Variants in PCDH15 observed in about 807,000 individuals in gnomAD.
PCDH15 encodes the protein protocadherin-15.
In PCDH15, 129 loss-of-function variants were observed where a neutral mutation model predicts 178.5. That is an observed-to-expected ratio of 0.72 (90% CI 0.63 to 0.84). The LOEUF (loss-of-function observed/expected upper bound fraction) is 0.84. Ranked by LOEUF, PCDH15 falls within the 40% of genes least tolerant of loss-of-function variation. PCDH15 has a pLI of 0.00. For synonymous variants in PCDH15, 800 were observed against 732.0 expected, an observed-to-expected ratio of 1.09 and a Z score of -1.50; for missense variants, 2,230 against 2,099.9, an observed-to-expected ratio of 1.06 and a Z score of -1.21.
intron 15 of PCDH15, among the ~76,000 whole-genome samples, chr10:54,091,952 G>C (rs1232172333): frequency 2.0e-5 from 3 of 152,126 alleles, no homozygotes; most frequent in Non-Finnish European, 4.4e-5. Flanking sequence ...CTGGATTTCA[G>C]ATGTGTATCC....
intron 18 of PCDH15, among the ~76,000 whole-genome samples, chr10:54,043,101 A>G (rs1371109184): frequency 6.6e-6 from 1 of 152,148 alleles, no homozygotes; most frequent in East Asian, 1.9e-4. Flanking sequence ...CTGATATGGT[A>G]TATGGGGGAA....
chr10:54,089,978 A>G lies in PCDH15; in HGVS notation c.1997+6T>C, dbSNP rs2094572999. 1 of 1,599,142 alleles carries G rather than the reference A, an allele frequency of 6.3e-7. No homozygotes were observed. The highest frequency in any genetic ancestry group is 8.6e-7 in the Non-Finnish European group (1 of 1,166,854). On this transcript the variant is annotated splice_donor_region_variant and intron_variant, in intron 16 of 37. Transcript: ENST00000644397. Reference sequence around the variant, plus strand: ...TTTTTAAAGTAGGAAATCATTTTTAACTTACGTTTCTGAAAGATTAAAAAC... The same window carrying G: ...TTTTTAAAGTAGGAAATCATTTTTAGCTTACGTTTCTGAAAGATTAAAAAC...
intron 2 of PCDH15, among the ~76,000 whole-genome samples, chr10:55,496,660 A>T (rs1840541197): frequency 6.6e-6 from 1 of 151,956 alleles, no homozygotes; most frequent in African/African-American, 2.4e-5. Flanking sequence ...ATTTTAGCAT[A>T]TAAGAATAGC....
At chr10:54,941,555 T>C (rs567035297) in intron 2 of PCDH15, among the ~76,000 whole-genome samples, 1 of 152,264 alleles carries the variant, frequency 6.6e-6, no homozygotes, top group African/African-American at 2.4e-5. Flanking sequence ...AATAGATACT[T>C]TGAAGATTTG....
At chr10:55,536,487 A>G (rs1250146789) in intron 2 of PCDH15, among the ~76,000 whole-genome samples, 1 of 152,150 alleles carries the variant, frequency 6.6e-6, no homozygotes. Context: ...GAATATTAAA[A>G]TATGCAAATA....
intron 2 of PCDH15, among the ~76,000 whole-genome samples, chr10:55,131,035 TA>T (rs199863863): frequency 4.0e-5 from 6 of 151,024 alleles, no homozygotes; most frequent in Admixed American, 2.6e-4. Flanking sequence ...TTTCTTGACT[TA>T]AAAAAAAATG....
intron 1 of PCDH15, among the ~76,000 whole-genome samples, chr10:54,700,231 T>G (rs2095291015): frequency 6.6e-6 from 1 of 152,174 alleles, no homozygotes; most frequent in African/African-American, 2.4e-5. Context: ...GGGCAGCAAC[T>G]TCCAAGATTG....
intron 3 of PCDH15, among the ~76,000 whole-genome samples, chr10:54,860,877 T>C (rs1953827552): frequency 6.6e-6 from 1 of 152,182 alleles, no homozygotes; most frequent in Admixed American, 6.6e-5. Context: ...CTGAGTGTCC[T>C]AGGCGATCAT....
chr10:53,955,385 CTGTCTAATAGAAATAAG>C (rs1276021320), intron 23 of PCDH15, among the ~76,000 whole-genome samples: 1 of 152,170 alleles, frequency 6.6e-6, no homozygotes, highest in Admixed American at 6.5e-5. Flanking sequence ...GATTTAATGA[CTGTCTAATAGAAATAAG>C]TCAACGGAGT....
rs540023101 is a variant in PCDH15, at chr10:53,903,871, C to T, written c.3374-501G>A. Among the ~76,000 whole-genome samples the T allele has an allele frequency of 6.6e-5, 10 of 152,120 alleles. No homozygotes were observed. The East Asian group carries it at 9.7e-4, about 15-fold the overall frequency. ...TTTTAAGACTAAAAGTAACAGTGTT[C>T]GGGTGAGGTGTTTATTTCCACAAAT... On this transcript the variant is annotated intron_variant, in intron 25 of 37. Transcript: ENST00000644397.
chr10:55,534,608 T>C (rs923063657), intron 2 of PCDH15, among the ~76,000 whole-genome samples: 4 of 152,108 alleles, frequency 2.6e-5, no homozygotes, highest in African/African-American at 7.2e-5. Flanking sequence ...GAAACATTTA[T>C]ACACTGTTGG....
At chr10:54,309,255 T>A (rs2060744887) in intron 8 of PCDH15, among the ~76,000 whole-genome samples, 1 of 150,866 alleles carries the variant, frequency 6.6e-6, no homozygotes, top group African/African-American at 2.5e-5. Context: ...ATAAAATAAA[T>A]AATATATTTG....
intron 2 of PCDH15, among the ~76,000 whole-genome samples, chr10:55,565,918 T>G (rs1426723884): frequency 6.6e-6 from 1 of 151,664 alleles, no homozygotes; most frequent in Non-Finnish European, 1.5e-5. Context: ...TTTAAAGAAC[T>G]AGCATCAATC....
At chr10:54,485,719 A>C (rs1225844203) in intron 3 of PCDH15, among the ~76,000 whole-genome samples, 1 of 151,970 alleles carries the variant, frequency 6.6e-6, no homozygotes, top group Non-Finnish European at 1.5e-5. Context: ...GTTTTTAGCC[A>C]TTTATTTTTC....
chr10:54,721,522 A>T (rs1941597089), intron 1 of PCDH15, among the ~76,000 whole-genome samples: 1 of 151,972 alleles, frequency 6.6e-6, no homozygotes, highest in Admixed American at 6.6e-5. Flanking sequence ...AAGTACAATG[A>T]GAAGTGGTAA....
intron 2 of PCDH15, among the ~76,000 whole-genome samples, chr10:55,039,111 A>G (rs1419635768): frequency 2.6e-5 from 4 of 152,074 alleles, no homozygotes; most frequent in African/African-American, 9.7e-5. Flanking sequence ...CTCTCTCCAT[A>G]CCTTCCCAGG....
intron 3 of PCDH15, among the ~76,000 whole-genome samples, chr10:54,834,194 C>CTT (rs1318880018): frequency 2.0e-4 from 29 of 143,870 alleles, no homozygotes; most frequent in African/African-American, 6.8e-4. Context: ...TTTTTACTAC[C>CTT]TTTTTTTTTT....
chr10:54,525,538 C>T (rs2083284331), intron 3 of PCDH15, among the ~76,000 whole-genome samples: 1 of 152,140 alleles, frequency 6.6e-6, no homozygotes, highest in African/African-American at 2.4e-5. Flanking sequence ...TACAACCTCC[C>T]CTCCTGGCCT....
intron 3 of PCDH15, among the ~76,000 whole-genome samples, chr10:54,445,878 A>C (rs2076113211): frequency 6.6e-6 from 1 of 151,554 alleles, no homozygotes; most frequent in Non-Finnish European, 1.5e-5. Flanking sequence ...GACTTAATTC[A>C]TATCTCTTTT....
Sources: allele counts gnomAD v4.1 joint callset (sites outside exome capture counted in the v4.1 genomes callset), GRCh38; gene constraint gnomAD v4.1.1; transcripts MANE v1.5; gene names NCBI Gene and HGNC (gene_info 2026-07-23, HGNC 2026-07-21).